P2RY14: variants seen among roughly 807,000 people sequenced by gnomAD.
P2RY14 encodes purinergic receptor P2Y14.
P2RY14 carries 2 observed loss-of-function variants against 0.9 expected under a neutral mutation model. That is an observed-to-expected ratio of 2.16 (90% CI 0.88 to 6.79). The LOEUF is 6.79. Ranked by LOEUF, P2RY14 falls within the 30% of genes most tolerant of loss-of-function variation. The pLI is 0.05. For synonymous variants in P2RY14, 158 were observed against 147.2 expected, an observed-to-expected ratio of 1.07 and a Z score of -0.53; for missense variants, 378 against 400.1, an observed-to-expected ratio of 0.94 and a Z score of 0.47.
At chr3:151,246,198 A>T (rs1316895720) in intron 1 of P2RY14, among the ~76,000 whole-genome samples, 1 of 152,222 alleles carries the variant, frequency 6.6e-6, no homozygotes, top group African/African-American at 2.4e-5. Flanking sequence ...ATACTGCTCA[A>T]GGTAATTTAT....
At chr3:151,246,246 T>G (rs1202550438) in intron 1 of P2RY14, among the ~76,000 whole-genome samples, 2 of 152,216 alleles carry the variant, frequency 1.3e-5, no homozygotes, top group Non-Finnish European at 2.9e-5. Flanking sequence ...CCAATGCCTT[T>G]CTTCACAGAA....
At chr3:151,216,515 G>T (rs537822409) in intron 2 of P2RY14, among the ~76,000 whole-genome samples, 12 of 152,276 alleles carry the variant, frequency 7.9e-5, no homozygotes, top group Non-Finnish European at 1.0e-4. Context: ...TTGTTTCTGC[G>T]TATTTTCCTT....
Position 151,213,689 on chromosome 3 carries a change from T to A in P2RY14, c.628A>T (p.Thr210Ser). 1 of 1,614,190 alleles carries A rather than the reference T, an allele frequency of 6.2e-7. No individual in the cohort carries two copies. Among genetic ancestry groups the A allele is most frequent in the South Asian group, 1.1e-5 (1 of 91,082 alleles). Reference sequence around the variant, plus strand: ...AGGTGGGACTTAAAGATTTTCTTTGTGATAGCAGTATAGAAAACGATTAAC... The same window carrying A: ...AGGTGGGACTTAAAGATTTTCTTTGAGATAGCAGTATAGAAAACGATTAAC... ...LLLIVFYTAI[T>S]KKIFKSHLKS... is the part of the protein sequence containing the mutation. Residue 210 changes from threonine to serine, a missense_variant, in exon 3 of 3, where the codon ACA (threonine) becomes TCA (serine). Thr to Ser is a moderately conservative substitution (Grantham distance 58). Transcript: ENST00000309170.
At chr3:151,266,805 G>A (rs1049370990) in intron 1 of P2RY14, among the ~76,000 whole-genome samples, 17 of 152,192 alleles carry the variant, frequency 1.1e-4, no homozygotes, top group Admixed American at 7.9e-4. Flanking sequence ...GAGCAAAAAA[G>A]TGCTGTAGAT....
In P2RY14 at chr3:151,244,367, G is replaced by A. The variant is rs142206038; in HGVS notation, c.-132-24725C>T. ...TCCAAAATTGACCACATACTTGGATGTAAAGATCTCCTCAGCAAATGTAAA... is the reference window on the plus strand; with the variant it reads ...TCCAAAATTGACCACATACTTGGATATAAAGATCTCCTCAGCAAATGTAAA... On this transcript the variant is annotated intron_variant, in intron 1 of 2. Transcript: ENST00000309170. Among the ~76,000 whole-genome samples, 398 of 127,286 alleles carry A rather than the reference G, an allele frequency of 3.1e-3. 11 individuals are homozygous for A. Among genetic ancestry groups the A allele is most frequent in the African/African-American group, 0.01 (374 of 37,380 alleles). The allele number at this position is 127,286 out of a possible 152,430, so 83.5% of individuals were successfully genotyped here.
Position 151,214,029 on chromosome 3 carries a change from G to A in P2RY14, c.288C>T (p.Val96=). 6.2e-7 allele frequency: 1 copy of A among 1,614,116 alleles called. No individual in the cohort carries two copies. Among genetic ancestry groups the A allele is most frequent in the Non-Finnish European group, 8.5e-7 (1 of 1,179,976 alleles). The change falls in exon 3 of 3, where the codon GTC becomes GTT. Residue 96 remains valine, a synonymous_variant. Transcript: ENST00000309170. ...TGTTGACGTAGAAGAGCACGGCAGAGACCCTGCACACAAACACGTTCAGCT... is the reference window on the plus strand; with the variant it reads ...TGTTGACGTAGAAGAGCACGGCAGAAACCCTGCACACAAACACGTTCAGCT... The part of the protein sequence containing the change: ...PWQLNVFVCR[V]SAVLFYVNMY...
intron 1 of P2RY14, among the ~76,000 whole-genome samples, chr3:151,243,558 G>A (rs972041433): frequency 2.6e-5 from 4 of 152,128 alleles, no homozygotes; most frequent in Admixed American, 1.3e-4. Flanking sequence ...TTACAGACAA[G>A]CAAATACTGA....
rs61102632 is a variant in P2RY14, at chr3:151,247,962, C to CTTTT, written c.-132-28324_-132-28321dup. ...GTTTACTTTCTTTCTTCTTCTTCTTCTTTTTTTTTTTTTTTTTTTTTTTGC... is the reference window on the plus strand; with the variant it reads ...GTTTACTTTCTTTCTTCTTCTTCTTCTTTTTTTTTTTTTTTTTTTTTTTTTTTGC... On this transcript the variant is annotated intron_variant, in intron 1 of 2. Coordinates refer to ENST00000309170, the MANE Select transcript of P2RY14 (RefSeq NM_014879.4). 1.0e-2 allele frequency among the ~76,000 whole-genome samples: 756 copies of CTTTT among 75,816 alleles called. 9 individuals are homozygous for CTTTT. The highest frequency in any genetic ancestry group is 0.013 in the Non-Finnish European group (522 of 40,656). 49.7% of individuals were successfully genotyped at this position (75,816 alleles called of 152,430 possible).
At chr3:151,218,409 T>C (rs1488996631) in intron 2 of P2RY14, among the ~76,000 whole-genome samples, 1 of 151,966 alleles carries the variant, frequency 6.6e-6, no homozygotes, top group Non-Finnish European at 1.5e-5. Context: ...AGGTGTCTGT[T>C]TGTGGAGCCC....
chr3:151,237,232 G>T (rs971430929), intron 1 of P2RY14, among the ~76,000 whole-genome samples: 7 of 150,528 alleles, frequency 4.7e-5, no homozygotes, highest in Admixed American at 2.6e-4. Flanking sequence ...TAGAGACGGG[G>T]TTTCACTGTG....
At chr3:151,216,235 C>T (rs1166376871) in intron 2 of P2RY14, among the ~76,000 whole-genome samples, 1 of 152,174 alleles carries the variant, frequency 6.6e-6, no homozygotes, top group Non-Finnish European at 1.5e-5. Context: ...GAATACAAGG[C>T]ATGAATCCTT....
intron 1 of P2RY14, among the ~76,000 whole-genome samples, chr3:151,230,301 G>C (rs1731397211): frequency 6.6e-6 from 1 of 152,162 alleles, no homozygotes; most frequent in South Asian, 2.1e-4. Flanking sequence ...ATGCGTGTCT[G>C]TTTTAGAACA....
intron 1 of P2RY14, among the ~76,000 whole-genome samples, chr3:151,277,357 A>T (rs1300310631): frequency 6.6e-6 from 1 of 152,224 alleles, no homozygotes; most frequent in East Asian, 1.9e-4. Context: ...TACAAATCAT[A>T]AAATATGCCA....
intron 1 of P2RY14, among the ~76,000 whole-genome samples, chr3:151,274,144 C>T (rs1278521156): frequency 2.6e-5 from 4 of 152,190 alleles, no homozygotes; most frequent in Non-Finnish European, 5.9e-5. Flanking sequence ...AAAGGCCTCG[C>T]TGCCACAAAA....
intron 1 of P2RY14, among the ~76,000 whole-genome samples, chr3:151,274,763 A>G (rs1273815584): frequency 2.6e-5 from 4 of 152,202 alleles, no homozygotes; most frequent in African/African-American, 4.8e-5. Context: ...ATGACTATCA[A>G]TTCCTAGGAG....
rs139860022 is a variant in P2RY14 at position 151,264,680 on chromosome 3, G to T, written c.-133+13607C>A. ...GGAGCCTCCTGTGACCTTCCAGCCTGTGCCCCCTACCCCAGCCAGCTGCAA... is the reference window on the plus strand; with the variant it reads ...GGAGCCTCCTGTGACCTTCCAGCCTTTGCCCCCTACCCCAGCCAGCTGCAA... On this transcript the variant is annotated intron_variant, in intron 1 of 2. Coordinates refer to ENST00000309170, the MANE Select transcript of P2RY14 (RefSeq NM_014879.4). Among the ~76,000 whole-genome samples the T allele has an allele frequency of 3.6e-3, 546 of 152,268 alleles. 3 individuals carry two copies. The highest frequency in any genetic ancestry group is 0.013 in the African/African-American group (521 of 41,544).
At chr3:151,226,033 C>A (rs1163987757) in intron 1 of P2RY14, among the ~76,000 whole-genome samples, 2 of 152,148 alleles carry the variant, frequency 1.3e-5, no homozygotes, top group Non-Finnish European at 2.9e-5. Context: ...TGCTGCCATG[C>A]CCTATGGAAA....
At chr3:151,262,613 A>G (rs1739114330) in intron 1 of P2RY14, among the ~76,000 whole-genome samples, 1 of 152,250 alleles carries the variant, frequency 6.6e-6, no homozygotes, top group African/African-American at 2.4e-5. Context: ...TAAGGGATGC[A>G]TGGGCAATGT....
rs78799275 is a variant in P2RY14, at chr3:151,241,205, C to T, written c.-132-21563G>A. ...CTGGGATTGCCTTTTGAGACTATAT[C>T]TCTTTAGTTGGTTGAGTGATCAAAT... On this transcript the variant is annotated intron_variant, in intron 1 of 2. Coordinates refer to ENST00000309170, the MANE Select transcript of P2RY14 (RefSeq NM_014879.4). Among the ~76,000 whole-genome samples, 7 of 152,228 alleles carry T rather than the reference C, an allele frequency of 4.6e-5. No individual in the cohort carries two copies. In the South Asian group the frequency reaches 1.4e-3, roughly 32 times the overall value.
Sources: gnomAD v4.1 joint callset for allele counts (sites outside exome capture counted in the v4.1 genomes callset) on GRCh38, gnomAD v4.1.1 for gene constraint, MANE v1.5 for transcripts, NCBI Gene and HGNC (gene_info 2026-07-23, HGNC 2026-07-21) for gene names.